The following EPS8L3 variants were observed in gnomAD, a reference collection of about 807,000 sequenced individuals.
EPS8L3 encodes the protein EPS8 signaling adaptor L3, also known as epidermal growth factor receptor kinase substrate 8-like protein 3.
In EPS8L3, 80 loss-of-function variants were observed where a neutral mutation model predicts 88.5. That is an observed-to-expected ratio of 0.90 (90% confidence interval 0.75 to 1.09). The LOEUF is 1.09. Ranked by LOEUF, EPS8L3 falls within the 50% of genes least tolerant of loss-of-function variation. The pLI is 0.00. For synonymous variants in EPS8L3, 286 were observed against 291.0 expected, an observed-to-expected ratio of 0.98 and a Z score of 0.18; for missense variants, 721 against 735.2, an observed-to-expected ratio of 0.98 and a Z score of 0.22.
Position 109,758,625 on chromosome 1 carries a change from C to T in EPS8L3, c.500G>A (p.Trp167Ter), listed in dbSNP as rs1309661079. The T allele has an allele frequency of 6.2e-7, 1 of 1,611,634 alleles. No homozygotes were observed. Among genetic ancestry groups the T allele is most frequent in the East Asian group, 2.2e-5 (1 of 44,848 alleles). ...CGGCCTTTCCATAGCAGGCCCCCTC[C>T]ATCTGTCCTGGCCTGGCTGAAGGCC... Reference protein sequence around the residue: ...LGGLQPGQDRWRGPAMERPLP... With the variant: ...LGGLQPGQDR The change falls in exon 7 of 19, where the codon TGG becomes TAG. Residue 167 changes from tryptophan to a stop codon, truncating the protein, a stop_gained. Transcript: ENST00000361965. LOFTEE classifies it high-confidence loss of function.
At chr1:109,762,398 C>T (rs1052201604) in intron 1 of EPS8L3, among the ~76,000 whole-genome samples, 2 of 152,078 alleles carry the variant, frequency 1.3e-5, no homozygotes, top group Admixed American at 6.6e-5. Context: ...TGCCCAGGTC[C>T]CCTCCTGACC....
intron 1 of EPS8L3, among the ~76,000 whole-genome samples, chr1:109,762,012 A>G: frequency 6.6e-6 from 1 of 152,122 alleles, no homozygotes; most frequent in East Asian, 1.9e-4. Flanking sequence ...GGGAGGCCAC[A>G]GCATGGCTGG....
intron 14 of EPS8L3, 31 bp downstream of exon 14, chr1:109,752,655 C>G: frequency 6.5e-7 from 1 of 1,547,572 alleles, no homozygotes; most frequent in Non-Finnish European, 8.7e-7. Flanking sequence ...CTCCCCAGGA[C>G]CACGCAGTCC....
chr1:109,760,791 A>G (rs573533867), intron 3 of EPS8L3, among the ~76,000 whole-genome samples: 175 of 152,092 alleles, frequency 1.2e-3, no homozygotes, highest in Admixed American at 3.1e-3. Context: ...GCCACTAACA[A>G]GTGGTGGCCA....
Position 109,752,591 on chromosome 1 carries a change from G to C in EPS8L3, c.1235+95C>G. 1.4e-5 allele frequency: 17 copies of C among 1,177,566 alleles called. No homozygotes were observed. The South Asian group carries it at 2.1e-4, about 15-fold the overall frequency. The allele number at this position is 1,177,566 out of a possible 1,614,324, so 72.9% of individuals were successfully genotyped here. A position where few individuals can be genotyped will look rare whatever the true frequency, so the allele number is the denominator to read the frequency against. On this transcript the variant is annotated intron_variant, in intron 14 of 18. Coordinates refer to ENST00000361965, the MANE Select transcript of EPS8L3 (RefSeq NM_133181.4). ...TTTTCTGGCTAAAAGAGACCCTCTT[G>C]GCTCTCTTAAGATGTAGAGAGCCAG... is the stretch of plus-strand genomic sequence containing the variant.
At chr1:109,756,870 A>G in intron 12 of EPS8L3, 147 bp downstream of exon 12, 1 of 957,764 alleles carries the variant, frequency 1.0e-6, no homozygotes, top group Non-Finnish European at 1.6e-6. Flanking sequence ...AGACAAATAA[A>G]AAGTTGGGAA....
At chr1:109,755,836 G>A (rs960681069) in intron 12 of EPS8L3, among the ~76,000 whole-genome samples, 5 of 152,096 alleles carry the variant, frequency 3.3e-5, no homozygotes, top group African/African-American at 1.2e-4. Context: ...AAACAGAAGT[G>A]GTTATTAGGC....
chr1:109,753,698 G>C (rs1348744604), intron 12 of EPS8L3, among the ~76,000 whole-genome samples: 2 of 152,178 alleles, frequency 1.3e-5, no homozygotes, highest in African/African-American at 4.8e-5. Context: ...GCTGGTCCTT[G>C]CCTCTCAGCC....
intron 3 of EPS8L3, among the ~76,000 whole-genome samples, chr1:109,760,494 C>T (rs1483405533): frequency 6.6e-6 from 1 of 152,112 alleles, no homozygotes; most frequent in Non-Finnish European, 1.5e-5. Context: ...GCCTCCTGCC[C>T]TTTGACCCCA....
chr1:109,762,024 C>T (rs960528414), intron 1 of EPS8L3, among the ~76,000 whole-genome samples: 6 of 152,130 alleles, frequency 3.9e-5, no homozygotes, highest in African/African-American at 1.4e-4. Flanking sequence ...CATGGCTGGG[C>T]CTCAGGGAAG....
chr1:109,753,280 G>A (rs958092543), intron 12 of EPS8L3, 82 bp from the exon 13 acceptor site: 4 of 1,134,240 alleles, frequency 3.5e-6, no homozygotes, highest in East Asian at 2.4e-5. Context: ...GGGAGGGGAC[G>A]ACAGGGCCTA....
At position 109,761,572 on chromosome 1, in the gene EPS8L3, A is replaced by G. The variant is rs1177442080; in HGVS notation, c.32-13T>C. ...TCCTTCCGGTGCACTACAAGGGCAC[A>G]GAGCAAGGGGCGGGAGGTGGGCAGA... On this transcript the variant is annotated splice_polypyrimidine_tract_variant and intron_variant, in intron 2 of 18. Transcript: ENST00000361965. The G allele has an allele frequency of 2.5e-6, 4 of 1,613,510 alleles. No homozygotes were observed. Among genetic ancestry groups the G allele is most frequent in the Non-Finnish European group, 3.4e-6 (4 of 1,179,698 alleles).
chr1:109,757,217 T>C (rs1221015087), intron 11 of EPS8L3, 52 bp from the exon 12 acceptor site: 2 of 1,529,918 alleles, frequency 1.3e-6, no homozygotes, highest in Admixed American at 4.2e-5. Flanking sequence ...CAGGGCCCAG[T>C]GAGGGTGGGA....
At chr1:109,758,193 G>T in intron 8 of EPS8L3, 123 bp downstream of exon 8, 1 of 1,282,774 alleles carries the variant, frequency 7.8e-7, no homozygotes, top group Non-Finnish European at 1.1e-6. Flanking sequence ...AGCCTCTCTG[G>T]CCTCCTGGCC....
chr1:109,759,239 C>T lies in EPS8L3; in HGVS notation c.404G>A (p.Gly135Glu). ...STLLFQCQEV[G>E]AERLKTSLQK... Reference sequence around the variant, plus strand: ...GACCAATCACCCCCGACCACTCACCCCCACTTCCTGGCACTGGAAGAGCAG... The same window carrying T: ...GACCAATCACCCCCGACCACTCACCTCCACTTCCTGGCACTGGAAGAGCAG... Residue 135 changes from glycine (G) to glutamate (E), a missense_variant and splice_region_variant, in exon 5 of 19, where the codon GGG becomes GAG. Coordinates refer to ENST00000361965, the MANE Select transcript of EPS8L3 (RefSeq NM_133181.4). This position sits in a 1 kb window ranked among gnomAD's most constrained non-coding sequence, Gnocchi z 4.2. 1 of 1,613,870 alleles carries T rather than the reference C, an allele frequency of 6.2e-7. No homozygotes were observed. The highest frequency in any genetic ancestry group is 8.5e-7 in the Non-Finnish European group (1 of 1,179,906).
Position 109,759,732 on chromosome 1 carries a change from G to C in EPS8L3, c.201C>G (p.Asp67Glu). 6.2e-7 allele frequency: 1 copy of C among 1,614,128 alleles called. No homozygotes were observed. ...AGCCGTCCCTGACCTGCAGGATCAA[G>C]TCTTGGCTCCACACCCGGCCCTGTG... ...MDAQGRVWSQ[D>E]LILQVRDGWL... The change falls in exon 4 of 19, where the codon GAC (aspartate) becomes GAG (glutamate). Residue 67 changes from aspartate (D) to glutamate (E), a missense_variant. Asp to Glu is a conservative substitution (Grantham distance 45). Transcript: ENST00000361965. The surrounding 1 kb of genome is among the most constrained non-coding windows in gnomAD (Gnocchi z 4.2).
chr1:109,750,720 T>C lies in EPS8L3; in HGVS notation c.1710A>G (p.Leu570=). The C allele has an allele frequency of 1.2e-6, 2 of 1,614,160 alleles. No homozygotes were observed. Among genetic ancestry groups the C allele is most frequent in the Non-Finnish European group, 1.7e-6 (2 of 1,180,028 alleles). Residue 570 remains leucine (L), a synonymous_variant, in exon 18 of 19, where the codon CTA becomes CTG. Coordinates refer to ENST00000361965, the MANE Select transcript of EPS8L3 (RefSeq NM_133181.4). ...LRIRPGELQM[L]CPQEAPRILS... Reference sequence around the variant, plus strand: ...GGATTCGTGGGGCCTCCTGTGGACATAGCATCTGTAGCTCCCCAGGTCTTA... The same window carrying C: ...GGATTCGTGGGGCCTCCTGTGGACACAGCATCTGTAGCTCCCCAGGTCTTA...
chr1:109,758,644 G>A lies in EPS8L3; in HGVS notation c.481C>T (p.Gln161Ter). 1 of 1,592,252 alleles carries A rather than the reference G, an allele frequency of 6.3e-7. No individual in the cohort carries two copies. The highest frequency in any genetic ancestry group is 8.5e-7 in the Non-Finnish European group (1 of 1,170,188). Reference sequence around the variant, plus strand: ...CCCCTCCATCTGTCCTGGCCTGGCTGAAGGCCTCCAAGTCGAGGTCTGCTG... The same window carrying A: ...CCCCTCCATCTGTCCTGGCCTGGCTAAAGGCCTCCAAGTCGAGGTCTGCTG... ...LEQRPRLGGL[Q>*]PGQDRWRGPA... The change falls in exon 7 of 19, where the codon CAG becomes TAG. Residue 161 changes from glutamine (Q) to a stop codon, truncating the protein, a stop_gained. Transcript: ENST00000361965. LOFTEE classifies it high-confidence loss of function.
rs949853305 is a variant in EPS8L3 at position 109,758,958 on chromosome 1, G to T, written c.461+104C>A. ...CTCCTCCTCAGTCCAGGCCCAGGTT[G>T]GTTGGGCCACAACCTCCTGGGTGCC... On this transcript the variant is annotated intron_variant, in intron 6 of 18. Transcript: ENST00000361965. 1.7e-5 allele frequency: 21 copies of T among 1,249,128 alleles called. No homozygotes were observed. In the African/African-American group the frequency reaches 2.5e-4, roughly 15 times the overall value. 77.4% of individuals were successfully genotyped at this position (1,249,128 alleles called of 1,614,324 possible). A position where few individuals can be genotyped will look rare whatever the true frequency, so the allele number is the denominator to read the frequency against.
Sources: gnomAD v4.1 joint callset for allele counts (sites outside exome capture counted in the v4.1 genomes callset) on GRCh38, gnomAD v4.1.1 for gene constraint, Gnocchi (gnomAD v3.1) non-coding constraint, MANE v1.5 for transcripts, NCBI Gene and HGNC (gene_info 2026-07-23, HGNC 2026-07-21) for gene names.